PTPRG: variants seen among roughly 807,000 people sequenced by gnomAD.
PTPRG encodes receptor-type tyrosine-protein phosphatase gamma.
A neutral mutation model predicts 165.3 loss-of-function variants in PTPRG; 102 were observed. That is an observed-to-expected ratio of 0.62 (90% confidence interval 0.53 to 0.73). The LOEUF (loss-of-function observed/expected upper bound fraction) is 0.73. Among genes scored for constraint, PTPRG ranks in the 30% least tolerant of loss-of-function variants. The pLI, the probability that PTPRG is intolerant of heterozygous loss-of-function variation, is 0.00. For synonymous variants in PTPRG, 675 were observed against 669.5 expected (o/e 1.01, Z -0.13); for missense variants, 1,866 against 1,861.4 (o/e 1.00, Z -0.05).
chr3:61,848,807 A>G (rs911635717), intron 2 of PTPRG, among the ~76,000 whole-genome samples: 3 of 152,166 alleles, frequency 2.0e-5, no homozygotes. Flanking sequence ...TGCTCCTACT[A>G]TGTGTCAGGC....
chr3:61,992,000 A>C (rs1262933253), intron 3 of PTPRG, among the ~76,000 whole-genome samples: 1 of 152,222 alleles, frequency 6.6e-6, no homozygotes, highest in Non-Finnish European at 1.5e-5. Flanking sequence ...CTCTGAGTGC[A>C]TGCACTTGAT....
rs58409759 is a variant in PTPRG at position 61,888,199 on chromosome 3, TTGTG to T, written c.191-101406_191-101403del. ...TCTAGTTTCACTAATTTTTAAATCT[TTGTG>T]TGTGTGTGTGTGTGTGTGTCTGTCT... On this transcript the variant is annotated intron_variant, in intron 2 of 29. Transcript: ENST00000474889. 1.2e-3 allele frequency among the ~76,000 whole-genome samples: 179 copies of T among 150,240 alleles called. 1 individual carries two copies. Among genetic ancestry groups the T allele is most frequent in the East Asian group, 6.8e-3 (35 of 5,134 alleles).
At chr3:62,008,195 T>C (rs1323236986) in intron 4 of PTPRG, among the ~76,000 whole-genome samples, 1 of 152,238 alleles carries the variant, frequency 6.6e-6, no homozygotes, top group Non-Finnish European at 1.5e-5. Context: ...AATCATGCTG[T>C]ATTTCCACTA....
chr3:61,942,763 A>G (rs1480132583), intron 2 of PTPRG, among the ~76,000 whole-genome samples: 1 of 152,214 alleles, frequency 6.6e-6, no homozygotes, highest in African/African-American at 2.4e-5. Context: ...CCCAAATCTC[A>G]AAAGTATTGC....
At chr3:61,829,084 G>C (rs1214250959) in intron 2 of PTPRG, among the ~76,000 whole-genome samples, 3 of 152,172 alleles carry the variant, frequency 2.0e-5, no homozygotes, top group South Asian at 4.1e-4. Flanking sequence ...CCGAGTACGT[G>C]CCTATGAGTG....
intron 4 of PTPRG, among the ~76,000 whole-genome samples, chr3:62,025,654 T>C (rs1363943113): frequency 6.6e-6 from 1 of 152,234 alleles, no homozygotes; most frequent in Non-Finnish European, 1.5e-5. Flanking sequence ...CTCAGGTATC[T>C]ACCTGTCCTT....
At chr3:61,810,930 A>G (rs1446869458) in intron 2 of PTPRG, among the ~76,000 whole-genome samples, 1 of 152,170 alleles carries the variant, frequency 6.6e-6, no homozygotes, top group African/African-American at 2.4e-5. Context: ...CCTGCCAGCC[A>G]ATGAGGGTTC....
At chr3:61,998,059 C>A (rs116797689) in intron 3 of PTPRG, among the ~76,000 whole-genome samples, 1 of 152,332 alleles carries the variant, frequency 6.6e-6, no homozygotes, top group African/African-American at 2.4e-5. Flanking sequence ...TTAGCACATG[C>A]TGCTGTTTAC....
chr3:61,907,846 C>A (rs1435546851), intron 2 of PTPRG, among the ~76,000 whole-genome samples: 4 of 152,066 alleles, frequency 2.6e-5, no homozygotes, highest in African/African-American at 9.7e-5. Context: ...TATTTTGGAA[C>A]TGGATGCAGC....
intron 1 of PTPRG, among the ~76,000 whole-genome samples, chr3:61,675,203 A>T (rs943241846): frequency 6.6e-6 from 1 of 152,118 alleles, no homozygotes; most frequent in African/African-American, 2.4e-5. Context: ...TATATCTCTA[A>T]TTTTTTCCCC....
intron 2 of PTPRG, among the ~76,000 whole-genome samples, chr3:61,882,482 T>C (rs1322651242): frequency 6.6e-6 from 1 of 152,194 alleles, no homozygotes; most frequent in African/African-American, 2.4e-5. Context: ...GAGATGATGA[T>C]TTGTCATAAT....
intron 14 of PTPRG, among the ~76,000 whole-genome samples, chr3:62,239,360 CTT>C (rs776921598): frequency 8.0e-5 from 10 of 124,510 alleles, no homozygotes; most frequent in Middle Eastern, 4.6e-3. Context: ...TTTTTTCTTT[CTT>C]TTTTTTTTTT....
At chr3:61,747,668 A>C (rs2033263974) in intron 1 of PTPRG, among the ~76,000 whole-genome samples, 1 of 152,194 alleles carries the variant, frequency 6.6e-6, no homozygotes, top group South Asian at 2.1e-4. Context: ...ACATTGTCTA[A>C]AAGGCTAATA....
chr3:61,666,587 CCAGGTACCTGG>C (rs1702819224), intron 1 of PTPRG, among the ~76,000 whole-genome samples: 1 of 152,168 alleles, frequency 6.6e-6, no homozygotes. Flanking sequence ...ATGATAAACA[CCAGGTACCTGG>C]CAGGTGGTTT....
chr3:62,271,263 C>T lies in PTPRG; in HGVS notation c.3010-120C>T, dbSNP rs1284140416. ...TGGCTACAAGGGGGAATAACCTAGC[C>T]TGGGAACAGTGATTAGGGTGAATGT... On this transcript the variant is annotated intron_variant, in intron 20 of 29. Coordinates refer to ENST00000474889, the MANE Select transcript of PTPRG (RefSeq NM_002841.4). The surrounding 1 kb of genome is among the most constrained non-coding windows in gnomAD (Gnocchi z 4.1). The T allele has an allele frequency of 1.2e-6, 1 of 838,184 alleles. No homozygotes were observed. The highest frequency in any genetic ancestry group is 1.8e-6 in the Non-Finnish European group (1 of 556,978). 51.9% of individuals were successfully genotyped at this position (838,184 alleles called of 1,614,324 possible).
At chr3:62,008,055 T>C (rs2041337217) in intron 4 of PTPRG, among the ~76,000 whole-genome samples, 2 of 152,262 alleles carry the variant, frequency 1.3e-5, no homozygotes, top group Admixed American at 1.3e-4. Context: ...CTCAGCTTTC[T>C]GTTGTCTGTC....
intron 2 of PTPRG, among the ~76,000 whole-genome samples, chr3:61,783,503 C>T (rs907435603): frequency 6.6e-6 from 1 of 152,124 alleles, no homozygotes; most frequent in African/African-American, 2.4e-5. Flanking sequence ...GCATTGGTTG[C>T]TATAGGAACC....
At chr3:61,628,526 G>T (rs916244524) in intron 1 of PTPRG, among the ~76,000 whole-genome samples, 27 of 152,032 alleles carry the variant, frequency 1.8e-4, no homozygotes, top group African/African-American at 6.5e-4. Context: ...TAGAGACAGG[G>T]TTTTACCATG....
At chr3:61,637,629 G>A (rs1242665738) in intron 1 of PTPRG, among the ~76,000 whole-genome samples, 3 of 152,184 alleles carry the variant, frequency 2.0e-5, no homozygotes, top group Non-Finnish European at 2.9e-5. Flanking sequence ...TGATGCCGGA[G>A]CACACACCTG....
Sources: allele counts gnomAD v4.1 joint callset (sites outside exome capture counted in the v4.1 genomes callset), GRCh38; gene constraint gnomAD v4.1.1; non-coding constraint Gnocchi (gnomAD v3.1); transcripts MANE v1.5; gene names NCBI Gene and HGNC (gene_info 2026-07-23, HGNC 2026-07-21).